Variants in CDC42BPG observed in about 807,000 individuals in gnomAD.
CDC42BPG encodes CDC42 binding protein kinase gamma.
Under a neutral mutation model 192.2 loss-of-function variants are expected in CDC42BPG, and 157 were observed. The ratio of observed to expected loss-of-function variants is 0.82; its 90% CI spans 0.72 to 0.93. The LOEUF (loss-of-function observed/expected upper bound fraction) is 0.93. Ranked by LOEUF, CDC42BPG falls within the 40% of genes least tolerant of loss-of-function variation. CDC42BPG has a pLI of 0.00. For missense variants in CDC42BPG, 1,992 were observed against 2,122.1 expected, an observed-to-expected ratio of 0.94 and a Z score of 1.20; for synonymous variants, 981 against 918.5, an observed-to-expected ratio of 1.07 and a Z score of -1.23.
At chr11:64,826,934 A>T (rs1309921620) in intron 34 of CDC42BPG, 116 bp downstream of exon 34, 1 of 1,160,366 alleles carries the variant, frequency 8.6e-7, no homozygotes, top group East Asian at 2.4e-5. Context: ...CAGAAGTGTG[A>T]GTCCCAGGCC....
chr11:64,840,534 C>T lies in CDC42BPG; in HGVS notation c.432+19G>A. On this transcript the variant is annotated intron_variant, in intron 4 of 36. Transcript: ENST00000342711. ...GTGTCCCTAGGATGTTCCCCTCCAGCCCCGCCACGTATCCTCACCAGGTAC... is the reference window on the plus strand; with the variant it reads ...GTGTCCCTAGGATGTTCCCCTCCAGTCCCGCCACGTATCCTCACCAGGTAC... 6.2e-7 allele frequency: 1 copy of T among 1,611,272 alleles called. No individual in the cohort carries two copies. The highest frequency in any genetic ancestry group is 1.1e-5 in the South Asian group (1 of 91,044).
At position 64,823,089 on chromosome 11, in the gene CDC42BPG, CTTT is replaced by C. The variant is rs67018116; in HGVS notation, c.*1381_*1383del. 1.5e-5 allele frequency among the ~76,000 whole-genome samples: 2 copies of C among 137,700 alleles called. No homozygotes were observed. Among genetic ancestry groups the C allele is most frequent in the Non-Finnish European group, 1.6e-5 (1 of 64,146 alleles). The allele number at this position is 137,700 out of a possible 152,430, so 90.3% of individuals were successfully genotyped here. A position where few individuals can be genotyped will look rare whatever the true frequency, so the allele number is the denominator to read the frequency against. On this transcript the variant is annotated 3_prime_UTR_variant, in exon 37 of 37. Coordinates refer to ENST00000342711, the MANE Select transcript of CDC42BPG (RefSeq NM_017525.3). Reference sequence around the variant, plus strand: ...GTCTTTATTGGTTTCCTTTTCTTTTCTTTTTTTTTTTTTTTGAGACGGAGTCTC... The same window carrying C: ...GTCTTTATTGGTTTCCTTTTCTTTTCTTTTTTTTTTTTGAGACGGAGTCTC...
Position 64,833,626 on chromosome 11 carries a change from C to A in CDC42BPG, c.2599G>T (p.Ala867Ser). The A allele has an allele frequency of 6.2e-7, 1 of 1,612,020 alleles. No individual in the cohort carries two copies. Among genetic ancestry groups the A allele is most frequent in the Non-Finnish European group, 8.5e-7 (1 of 1,179,388 alleles). ...TTAGCAGGAAGACCTTCTGTAGAGG[C>A]TGTGTTGGCAGTGGGTGCTCTGGGG... ...VFPRAPTANT[A>S]STEGLPAKPG... Residue 867 changes from alanine (A) to serine (S), a missense_variant, in exon 23 of 37, where the codon GCC becomes TCC. Transcript: ENST00000342711.
Position 64,830,004 on chromosome 11 carries a change from A to C in CDC42BPG, c.3434T>G (p.Leu1145Arg). The C allele has an allele frequency of 1.2e-6, 2 of 1,612,300 alleles. No individual in the cohort carries two copies. Among genetic ancestry groups the C allele is most frequent in the Non-Finnish European group, 1.7e-6 (2 of 1,179,300 alleles). The change falls in exon 30 of 37, where the codon CTG (leucine) becomes CGG (arginine). Residue 1145 changes from leucine to arginine, a missense_variant. Around this residue, in one of 2 missense-constraint regions of CDC42BPG, gnomAD observed 1,656 missense variants for 1,844.3 expected, o/e 0.90. Coordinates refer to ENST00000342711, the MANE Select transcript of CDC42BPG (RefSeq NM_017525.3). ...QLTLSPSAGL[L>R]VVLCGRGPSV... ...GGGGCCGCGGCCACACAGCACGACC[A>C]GCAGGCCTGCACTGGGGCTCAAGGT...
intron 1 of CDC42BPG, among the ~76,000 whole-genome samples, 168 bp downstream of exon 1, chr11:64,844,242 G>A (rs1801100708): frequency 2.0e-5 from 3 of 151,954 alleles, no homozygotes; most frequent in Admixed American, 2.0e-4. Context: ...AGGTGTGCAG[G>A]CGAGTGTGCG....
chr11:64,839,703 T>C (rs889672633), intron 5 of CDC42BPG, 132 bp from the exon 6 acceptor site: 7 of 681,434 alleles, frequency 1.0e-5, no homozygotes, highest in African/African-American at 8.9e-5. Context: ...TAGGTGCTCA[T>C]GTGATGAGCA....
chr11:64,834,342 C>A lies in CDC42BPG; in HGVS notation c.2337G>T (p.Glu779Asp), dbSNP rs1288370094. The change falls in exon 20 of 37, where the codon GAG becomes GAT. Residue 779 changes from glutamate to aspartate, a missense_variant. Transcript: ENST00000342711. ...GCAGGGCCTGGCTCTGCTTCTCGGC[C>A]TCCTGCAGACGGCTGGGGAGAATGG... is the stretch of plus-strand genomic sequence containing the variant. ...AQLQAERRLQ[E>D]AEKQSQALQQ... 1.9e-6 allele frequency: 3 copies of A among 1,571,922 alleles called. No homozygotes were observed. Among genetic ancestry groups the A allele is most frequent in the Non-Finnish European group, 2.6e-6 (3 of 1,162,854 alleles).
At chr11:64,834,002 G>A in intron 20 of CDC42BPG, 25 bp from the exon 21 acceptor site, 1 of 1,614,150 alleles carries the variant, frequency 6.2e-7, no homozygotes, top group Non-Finnish European at 8.5e-7. Flanking sequence ...TGGGTCACTG[G>A]CCTGGGGTCC....
intron 30 of CDC42BPG, 68 bp downstream of exon 30, chr11:64,829,403 C>T (rs768395951): frequency 3.2e-5 from 50 of 1,559,796 alleles, no homozygotes; most frequent in East Asian, 2.0e-4. Context: ...TGAGTTGAGG[C>T]GGGACCCTGT....
Position 64,844,476 on chromosome 11 carries a change from G to A in CDC42BPG, c.94C>T (p.Leu32=). 6.9e-7 allele frequency: 1 copy of A among 1,446,682 alleles called. No individual in the cohort carries two copies. Among genetic ancestry groups the A allele is most frequent in the Non-Finnish European group, 9.1e-7 (1 of 1,104,008 alleles). The allele number at this position is 1,446,682 out of a possible 1,614,324, so 89.6% of individuals were successfully genotyped here. A position where few individuals can be genotyped will look rare whatever the true frequency, so the allele number is the denominator to read the frequency against. ...GGGCCGCTGCTGAGCTCGTGGTGCA[G>A]CGCCAGCAGCAGATCTAGGAGGCCG... The part of the protein sequence containing the change: ...LDGLLDLLLA[L]HHELSSGPLR... The change falls in exon 1 of 37, where the codon CTG becomes TTG. Residue 32 remains leucine, a synonymous_variant. Transcript: ENST00000342711.
rs751124409 is a variant in CDC42BPG at position 64,832,939 on chromosome 11, T to C, written c.2752A>G (p.Thr918Ala). 23 of 1,537,380 alleles carry C rather than the reference T, an allele frequency of 1.5e-5. No individual in the cohort carries two copies. The highest frequency in any genetic ancestry group is 2.5e-5 in the East Asian group (1 of 40,798). The change falls in exon 25 of 37, where the codon ACA becomes GCA. Residue 918 changes from threonine (T) to alanine (A), a missense_variant. By Grantham distance (58) the Thr-to-Ala change is moderately conservative. Transcript: ENST00000342711. ...GCDACGYFCH[T>A]TCAPQAPPCP... ...GGTGGGGCCTGTGGGGCACAGGTTG[T>C]GTGACAAAAGTAGCCGCAGGCTGTG...
Position 64,839,213 on chromosome 11 carries a change from T to C in CDC42BPG, c.696A>G (p.Val232=), listed in dbSNP as rs1253657787. Residue 232 remains valine, a synonymous_variant, in exon 7 of 37, where the codon GTA becomes GTG. Transcript: ENST00000342711. The part of the protein sequence containing the change: ...TNGMVDSSVA[V]GTPDYISPEI... ...CAGGGGAGATATAGTCCGGCGTCCC[T>C]ACTGCCACTGATGAATCCACCTGTG... The C allele has an allele frequency of 2.5e-6, 4 of 1,613,090 alleles. No individual in the cohort carries two copies. The highest frequency in any genetic ancestry group is 3.4e-6 in the Non-Finnish European group (4 of 1,180,026).
rs756212046 is a variant in CDC42BPG, at chr11:64,833,855, G to C, written c.2467-19C>G. On this transcript the variant is annotated intron_variant, in intron 21 of 36. Coordinates refer to ENST00000342711, the MANE Select transcript of CDC42BPG (RefSeq NM_017525.3). ...AATCCTTCTGGGGGTGGGAGAGAGA[G>C]GAGCAAAGTCAAGGTCCCTGTGCCT... The C allele has an allele frequency of 1.2e-6, 2 of 1,614,218 alleles. No individual in the cohort carries two copies. The highest frequency in any genetic ancestry group is 3.3e-5 in the Admixed American group (2 of 60,026).
rs1259912031 is a variant in CDC42BPG, at chr11:64,826,799, T to C, written c.4390-5A>G. ...TCGGCCCTTCTCTTCGGGAGCCTGT[T>C]GGGTGACAGTGCGGAGGGGCTGGGA... On this transcript the variant is annotated splice_polypyrimidine_tract_variant and splice_region_variant and intron_variant, in intron 34 of 36. Transcript: ENST00000342711. 5 of 1,492,850 alleles carry C rather than the reference T, an allele frequency of 3.3e-6. No individual in the cohort carries two copies. The allele number at this position is 1,492,850 out of a possible 1,614,324, so 92.5% of individuals were successfully genotyped here. A position where few individuals can be genotyped will look rare whatever the true frequency, so the allele number is the denominator to read the frequency against.
Position 64,835,813 on chromosome 11 carries a change from C to G in CDC42BPG, c.1707G>C (p.Thr569=). Reference sequence around the variant, plus strand: ...GTTGCTCCCACTGTCCCTGCAGCTGCGTCACCTGCCGGCTCAGGGAGGACA... The same window carrying G: ...GTTGCTCCCACTGTCCCTGCAGCTGGGTCACCTGCCGGCTCAGGGAGGACA... The part of the protein sequence containing the change: ...AQVSSLSRQV[T]QLQGQWEQRL... Residue 569 remains threonine (T), a synonymous_variant, in exon 14 of 37, where the codon ACG becomes ACC. Coordinates refer to ENST00000342711, the MANE Select transcript of CDC42BPG (RefSeq NM_017525.3). 2 of 1,612,988 alleles carry G rather than the reference C, an allele frequency of 1.2e-6. No homozygotes were observed. Among genetic ancestry groups the G allele is most frequent in the Non-Finnish European group, 1.7e-6 (2 of 1,179,852 alleles).
Position 64,838,800 on chromosome 11 carries a change from C to T in CDC42BPG, c.979G>A (p.Gly327Arg), listed in dbSNP as rs1160847421. The T allele has an allele frequency of 1.2e-6, 2 of 1,612,884 alleles. No homozygotes were observed. The highest frequency in any genetic ancestry group is 2.2e-5 in the South Asian group (2 of 91,088). The change falls in exon 8 of 37, where the codon GGG becomes AGG. Residue 327 changes from glycine (G) to arginine (R), a missense_variant. By Grantham distance (125) the Gly-to-Arg change is moderately radical. Transcript: ENST00000342711. The part of the protein sequence containing the change: ...CRQEERLGRG[G>R]LDDFRNHPFF... Reference sequence around the variant, plus strand: ...GGATGGTTCCGGAAGTCATCCAGCCCACCACGGCCTAGCCGCTCTTCCTGG... The same window carrying T: ...GGATGGTTCCGGAAGTCATCCAGCCTACCACGGCCTAGCCGCTCTTCCTGG...
At position 64,835,363 on chromosome 11, in the gene CDC42BPG, C is replaced by A. The variant is rs1942932125; in HGVS notation, c.1937G>T (p.Ser646Ile). 6.8e-6 allele frequency: 11 copies of A among 1,614,018 alleles called. No homozygotes were observed. The highest frequency in any genetic ancestry group is 1.6e-4 in the Middle Eastern group (1 of 6,062). ...CQLQEENRRL[S>I]REQERLEAEL... ...CCTGCTCACCCGCTCCTGCTCCCGGCTCAGCCTCCGGTTTTCCTCCTGCAG... is the reference window on the plus strand; with the variant it reads ...CCTGCTCACCCGCTCCTGCTCCCGGATCAGCCTCCGGTTTTCCTCCTGCAG... The change falls in exon 16 of 37, where the codon AGC (serine) becomes ATC (isoleucine). Residue 646 changes from serine to isoleucine, a missense_variant. Coordinates refer to ENST00000342711, the MANE Select transcript of CDC42BPG (RefSeq NM_017525.3).
At position 64,832,447 on chromosome 11, in the gene CDC42BPG, T is replaced by C; in HGVS notation, c.3068A>G (p.Asp1023Gly). 1 of 1,613,880 alleles carries C rather than the reference T, an allele frequency of 6.2e-7. No homozygotes were observed. Among genetic ancestry groups the C allele is most frequent in the Non-Finnish European group, 8.5e-7 (1 of 1,179,948 alleles). Residue 1023 changes from aspartate (D) to glycine (G), a missense_variant, in exon 27 of 37, where the codon GAC (aspartate) becomes GGC (glycine). By Grantham distance (94) the Asp-to-Gly change is moderately conservative (BLOSUM62 -1). Transcript: ENST00000342711. ...ACTCACCCTAAAGATGCGTGGCAGGTCCCTGGATTGGGCATGGATAACATC... is the reference window on the plus strand; with the variant it reads ...ACTCACCCTAAAGATGCGTGGCAGGCCCCTGGATTGGGCATGGATAACATC... ...ASDVIHAQSR[D>G]LPRIFRVTTS... is the part of the protein sequence containing the mutation.
intron 1 of CDC42BPG, among the ~76,000 whole-genome samples, chr11:64,842,478 T>G (rs1367149817): frequency 6.6e-6 from 1 of 152,090 alleles, no homozygotes; most frequent in Non-Finnish European, 1.5e-5. Flanking sequence ...GCTTCCCACG[T>G]GGGGCCCCTC....
Sources: allele counts gnomAD v4.1 joint callset (sites outside exome capture counted in the v4.1 genomes callset), GRCh38; gene constraint gnomAD v4.1.1; regional missense constraint gnomAD v4.1.1; transcripts MANE v1.5; gene names NCBI Gene and HGNC (gene_info 2026-07-23, HGNC 2026-07-21).